Variants in CTNNA3 observed in about 807,000 individuals in gnomAD.
CTNNA3 encodes the protein catenin alpha 3.
CTNNA3 carries 76 observed loss-of-function variants against 95.7 expected under a neutral mutation model. The ratio of observed to expected loss-of-function variants is 0.79; its 90% CI spans 0.66 to 0.96. The LOEUF (loss-of-function observed/expected upper bound fraction) is 0.96. Among genes scored for constraint, CTNNA3 ranks in the 40% least tolerant of loss-of-function variants. The probability of loss-of-function intolerance (pLI) is 0.00; values close to 1 mark genes in which losing one functional copy is unlikely to be tolerated. For synonymous variants in CTNNA3, 431 were observed against 374.4 expected, an observed-to-expected ratio of 1.15 and a Z score of -1.74; for missense variants, 1,191 against 1,089.8, an observed-to-expected ratio of 1.09 and a Z score of -1.31.
intron 7 of CTNNA3, among the ~76,000 whole-genome samples, chr10:67,052,287 CAGA>C (rs1855147848): frequency 6.7e-6 from 1 of 150,338 alleles, no homozygotes; most frequent in Non-Finnish European, 1.5e-5. Context: ...TGGGATAACA[CAGA>C]AGAATCTTCA....
intron 4 of CTNNA3, among the ~76,000 whole-genome samples, chr10:67,525,846 A>G (rs1458169695): frequency 6.6e-6 from 1 of 152,214 alleles, no homozygotes; most frequent in African/African-American, 2.4e-5. Flanking sequence ...CTCCACAGTC[A>G]TCATGTTTTC....
chr10:66,469,963 C>G (rs1422661102), intron 11 of CTNNA3, among the ~76,000 whole-genome samples: 2 of 151,778 alleles, frequency 1.3e-5, no homozygotes, highest in Non-Finnish European at 2.9e-5. Flanking sequence ...AATGAGATAG[C>G]TTACATCTAA....
At chr10:66,203,965 C>T (rs908625902) in intron 13 of CTNNA3, among the ~76,000 whole-genome samples, 1 of 152,042 alleles carries the variant, frequency 6.6e-6, no homozygotes, top group Non-Finnish European at 1.5e-5. Context: ...ACTCTATCTT[C>T]AGCATCTAAA....
chr10:67,174,991 C>T (rs561075357), intron 7 of CTNNA3, among the ~76,000 whole-genome samples: 8 of 146,364 alleles, frequency 5.5e-5, no homozygotes, highest in Middle Eastern at 3.3e-3. Flanking sequence ...ATAATGAAAA[C>T]GGTTAAGAAT....
intron 13 of CTNNA3, among the ~76,000 whole-genome samples, chr10:66,121,751 A>G (rs886319441): frequency 1.3e-5 from 2 of 152,130 alleles, no homozygotes; most frequent in African/African-American, 4.8e-5. Context: ...TGAGTTGGAT[A>G]GATCGCTTGA....
chr10:66,346,289 A>G (rs1460587866), intron 12 of CTNNA3, among the ~76,000 whole-genome samples: 1 of 143,148 alleles, frequency 7.0e-6, no homozygotes, highest in Non-Finnish European at 1.5e-5. Context: ...AGAGAGAGAA[A>G]GAGAGACAGA....
intron 15 of CTNNA3, among the ~76,000 whole-genome samples, chr10:66,017,848 TTTGGTTC>T (rs1373981295): frequency 6.6e-6 from 1 of 152,098 alleles, no homozygotes; most frequent in Admixed American, 6.6e-5. Flanking sequence ...TAATGGGCTG[TTTGGTTC>T]TAATCATCTG....
At chr10:66,290,836 T>C (rs2132191991) in intron 12 of CTNNA3, among the ~76,000 whole-genome samples, 1 of 152,284 alleles carries the variant, frequency 6.6e-6, no homozygotes, top group South Asian at 2.1e-4. Flanking sequence ...AGTTACTTCT[T>C]GTAGGATGGT....
chr10:65,923,056 G>C (rs924693807), intron 17 of CTNNA3, among the ~76,000 whole-genome samples: 2 of 152,146 alleles, frequency 1.3e-5, no homozygotes, highest in Admixed American at 6.6e-5. Flanking sequence ...CCCTCAATAT[G>C]TGGGGAATTA....
chr10:66,496,912 A>G (rs1840118774), intron 11 of CTNNA3, among the ~76,000 whole-genome samples: 2 of 152,104 alleles, frequency 1.3e-5, no homozygotes, highest in African/African-American at 4.8e-5. Context: ...AAGGTGTTGA[A>G]AGGGTTTGTT....
rs566444838 is a variant in CTNNA3, at chr10:66,658,334, T to A, written c.1282-36550A>T. On this transcript the variant is annotated intron_variant, in intron 9 of 17. Coordinates refer to ENST00000433211, the MANE Select transcript of CTNNA3 (RefSeq NM_013266.4). ...TCTAAAATCCTTTCCAGCTCTAAAA[T>A]CTTGTTTTTATGAGACACTATTTCT... Among the ~76,000 whole-genome samples, 25 of 152,194 alleles carry A rather than the reference T, an allele frequency of 1.6e-4. No homozygotes were observed. The South Asian group carries it at 4.6e-3, about 28-fold the overall frequency.
At chr10:67,256,521 A>G (rs1470239450) in intron 5 of CTNNA3, among the ~76,000 whole-genome samples, 1 of 152,206 alleles carries the variant, frequency 6.6e-6, no homozygotes, top group East Asian at 1.9e-4. Flanking sequence ...GAATTTGATC[A>G]TTACCAGATG....
chr10:66,942,988 T>C (rs1848090569), intron 7 of CTNNA3, among the ~76,000 whole-genome samples: 4 of 152,298 alleles, frequency 2.6e-5, no homozygotes, highest in South Asian at 2.1e-4. Flanking sequence ...CTTTTCTTTC[T>C]TCCCAGGGCA....
At chr10:67,593,245 G>T (rs1031503864) in intron 3 of CTNNA3, among the ~76,000 whole-genome samples, 1 of 152,138 alleles carries the variant, frequency 6.6e-6, no homozygotes, top group Non-Finnish European at 1.5e-5. Flanking sequence ...TTGACTCCAT[G>T]TCATTGCTAT....
At chr10:66,605,654 C>T (rs1844094356) in intron 10 of CTNNA3, among the ~76,000 whole-genome samples, 1 of 152,092 alleles carries the variant, frequency 6.6e-6, no homozygotes. Context: ...GGCCAATATT[C>T]GACATTCTTA....
intron 1 of CTNNA3, among the ~76,000 whole-genome samples, chr10:67,715,912 T>TA (rs2133614934): frequency 6.6e-6 from 1 of 152,284 alleles, no homozygotes; most frequent in Non-Finnish European, 1.5e-5. Context: ...TCTTCTCAAA[T>TA]AATACATGCA....
rs116478985 is a variant in CTNNA3, at chr10:66,766,460, A to G, written c.1129-44T>C. Reference sequence around the variant, plus strand: ...TTCAGGTTTTTTTTTTCCAGGAAATAGTTCACTGTGTTTCCTTTTCTTACA... The same window carrying G: ...TTCAGGTTTTTTTTTTCCAGGAAATGGTTCACTGTGTTTCCTTTTCTTACA... On this transcript the variant is annotated intron_variant, in intron 8 of 17. Coordinates refer to ENST00000433211, the MANE Select transcript of CTNNA3 (RefSeq NM_013266.4). 1.6e-3 allele frequency: 2,516 copies of G among 1,544,726 alleles called. 34 individuals are homozygous for G. In the African/African-American group the frequency reaches 0.03, roughly 19 times the overall value.
Position 65,912,728 on chromosome 10 carries a change from CA to C in CTNNA3, c.*7601del, listed in dbSNP as rs1381005476. 23 of 152,176 alleles carry C rather than the reference CA, an allele frequency of 1.5e-4. No individual in the cohort carries two copies. The highest frequency in any genetic ancestry group is 5.1e-4 in the African/African-American group (21 of 41,518). 9.4% of individuals were successfully genotyped at this position (152,176 alleles called of 1,614,324 possible). A position where few individuals can be genotyped will look rare whatever the true frequency, so the allele number is the denominator to read the frequency against. ...AAAAAATCATTGATTCAGTTAAACACAAAAGACATGCAGGGTCTCAAACAAG... is the reference window on the plus strand; with the variant it reads ...AAAAAATCATTGATTCAGTTAAACACAAAGACATGCAGGGTCTCAAACAAG... On this transcript the variant is annotated 3_prime_UTR_variant, in exon 18 of 18. Transcript: ENST00000433211.
rs1010092401 is a variant in CTNNA3, at chr10:65,914,187, A to G, written c.*6143T>C. ...AGAAACATTTAGACATAATTGTTAGAAATCTGAGCCTTTTTGAAAGAGAAT... is the reference window on the plus strand; with the variant it reads ...AGAAACATTTAGACATAATTGTTAGGAATCTGAGCCTTTTTGAAAGAGAAT... On this transcript the variant is annotated 3_prime_UTR_variant, in exon 18 of 18. Transcript: ENST00000433211. 1.3e-5 allele frequency: 2 copies of G among 152,148 alleles called. No individual in the cohort carries two copies. Among genetic ancestry groups the G allele is most frequent in the Non-Finnish European group, 2.9e-5 (2 of 68,016 alleles). The allele number at this position is 152,148 out of a possible 1,614,324, so 9.4% of individuals were successfully genotyped here. A position where few individuals can be genotyped will look rare whatever the true frequency, so the allele number is the denominator to read the frequency against.
Sources: allele counts gnomAD v4.1 joint callset (sites outside exome capture counted in the v4.1 genomes callset), GRCh38; gene constraint gnomAD v4.1.1; transcripts MANE v1.5; gene names NCBI Gene and HGNC (gene_info 2026-07-23, HGNC 2026-07-21).